GPR82: variants seen among roughly 807,000 people sequenced by gnomAD.
GPR82 encodes G protein-coupled receptor 82, also known as probable G protein-coupled receptor 82.
A neutral mutation model predicts 12.9 loss-of-function variants in GPR82; 6 were observed. The ratio of observed to expected loss-of-function variants is 0.46; its 90% CI spans 0.25 to 0.92. The LOEUF (loss-of-function observed/expected upper bound fraction) is 0.92, where lower values mean the gene tolerates loss of function less well. Ranked by LOEUF, GPR82 falls within the 40% of genes least tolerant of loss-of-function variation. The pLI, the probability that GPR82 is intolerant of heterozygous loss-of-function variation, is 0.16. For synonymous variants in GPR82, 90 were observed against 87.6 expected (o/e 1.03, Z -0.15); for missense variants, 241 against 245.5 (o/e 0.98, Z 0.12).
In GPR82 at chrX:41,727,723, A is replaced by C; in HGVS notation, c.697A>C (p.Thr233Pro). 8.3e-7 allele frequency: 1 copy of C among 1,204,784 alleles called. No homozygotes were observed. The highest frequency in any genetic ancestry group is 1.1e-6 in the Non-Finnish European group (1 of 889,417). Residue 233 changes from threonine to proline, a missense_variant, in exon 3 of 3, where the codon ACC becomes CCC. Thr to Pro is a conservative substitution (Grantham distance 38, BLOSUM62 -1). Coordinates refer to ENST00000302548, the MANE Select transcript of GPR82 (RefSeq NM_080817.5). ...SFVSHLRKIR[T>P]CTSIMEKDLT... is the part of the protein sequence containing the mutation. ...TGTAAGCCATCTGAGAAAAATAAGAACCTGTACGTCCATTATGGAGAAAGA... is the reference window on the plus strand; with the variant it reads ...TGTAAGCCATCTGAGAAAAATAAGACCCTGTACGTCCATTATGGAGAAAGA...
intron 1 of GPR82, 84 bp downstream of exon 1, chrX:41,724,373 C>G (rs2068219041): frequency 8.9e-6 from 1 of 112,479 alleles, no homozygotes. Flanking sequence ...ATTTTGAAAG[C>G]TGATCATTAA....
chrX:41,725,071 A>G (rs2068235092), intron 1 of GPR82, among the ~76,000 whole-genome samples: 1 of 112,127 alleles, frequency 8.9e-6, no homozygotes, highest in Non-Finnish European at 1.9e-5. Context: ...AAACCAGATT[A>G]TAATTCATCA....
chrX:41,728,057 A>G lies in GPR82; in HGVS notation c.*20A>G. The G allele has an allele frequency of 2.1e-6, 2 of 954,111 alleles. No individual in the cohort carries two copies. The highest frequency in any genetic ancestry group is 2.8e-6 in the Non-Finnish European group (2 of 708,343). 78.6% of individuals were successfully genotyped at this position (954,111 alleles called of 1,213,427 possible). A position where few individuals can be genotyped will look rare whatever the true frequency, so the allele number is the denominator to read the frequency against. On this transcript the variant is annotated 3_prime_UTR_variant, in exon 3 of 3. Coordinates refer to ENST00000302548, the MANE Select transcript of GPR82 (RefSeq NM_080817.5). Reference sequence around the variant, plus strand: ...GGTTGACTTTTGAATGGAAAACCCCACAATATTAAGAAAAGCATTCATGTG... The same window carrying G: ...GGTTGACTTTTGAATGGAAAACCCCGCAATATTAAGAAAAGCATTCATGTG...
In GPR82 at chrX:41,727,591, A is replaced by G. The variant is rs2068285820; in HGVS notation, c.565A>G (p.Asn189Asp). The change falls in exon 3 of 3, where the codon AAT (asparagine) becomes GAT (aspartate). Residue 189 changes from asparagine (N) to aspartate (D), a missense_variant. Asn to Asp is a conservative substitution (Grantham distance 23). Transcript: ENST00000302548. ...AGAAGGAGAAGAGAGCCTATGCTAC[A>G]ATCGGCAGATGGAACTAGGAGCCAT... Reference protein sequence around the residue: ...ATEGEESLCYNRQMELGAMIS... With the variant: ...ATEGEESLCYDRQMELGAMIS... 2 of 1,205,180 alleles carry G rather than the reference A, an allele frequency of 1.7e-6. No homozygotes were observed. Among genetic ancestry groups the G allele is most frequent in the Non-Finnish European group, 2.2e-6 (2 of 889,467 alleles).
Position 41,728,137 on chromosome X carries a change from T to C in GPR82, c.*100T>C, listed in dbSNP as rs2068302058. Reference sequence around the variant, plus strand: ...TAACATGTCACAGCTTGGTTGACAATAATCACCAAGAAAATCTCTTTGGTT... The same window carrying C: ...TAACATGTCACAGCTTGGTTGACAACAATCACCAAGAAAATCTCTTTGGTT... On this transcript the variant is annotated 3_prime_UTR_variant, in exon 3 of 3. Coordinates refer to ENST00000302548, the MANE Select transcript of GPR82 (RefSeq NM_080817.5). The C allele has an allele frequency of 2.5e-6, 1 of 395,644 alleles. No individual in the cohort carries two copies. Among genetic ancestry groups the C allele is most frequent in the African/African-American group, 2.6e-5 (1 of 38,344 alleles). The allele number at this position is 395,644 out of a possible 1,213,427, so 32.6% of individuals were successfully genotyped here.
At chrX:41,726,929 C>T in intron 2 of GPR82, 64 bp from the exon 3 acceptor site, 2 of 417,142 alleles carry the variant, frequency 4.8e-6, no homozygotes, top group Non-Finnish European at 7.8e-6. Flanking sequence ...TTTTTAAAAA[C>T]TATTCAGCTT....
rs1162361118 is a variant in GPR82, at chrX:41,729,749, C to CAAAA, written c.*1742_*1745dup. 4.2e-4 allele frequency: 6 copies of CAAAA among 14,118 alleles called. No homozygotes were observed. The highest frequency in any genetic ancestry group is 7.1e-4 in the Non-Finnish European group (6 of 8,426). 1.2% of individuals were successfully genotyped at this position (14,118 alleles called of 1,213,427 possible). Reference sequence around the variant, plus strand: ...TGGGCGACAGAGTGAGACTCTGTCTCAAAAAAAAAAAAAAAAAAAAAAAAA... The same window carrying CAAAA: ...TGGGCGACAGAGTGAGACTCTGTCTCAAAAAAAAAAAAAAAAAAAAAAAAAAAAA... On this transcript the variant is annotated 3_prime_UTR_variant, in exon 3 of 3. Transcript: ENST00000302548.
chrX:41,727,239 G>T lies in GPR82; in HGVS notation c.213G>T (p.Met71Ile). 1 of 1,206,359 alleles carries T rather than the reference G, an allele frequency of 8.3e-7. No homozygotes were observed. The highest frequency in any genetic ancestry group is 1.1e-6 in the Non-Finnish European group (1 of 890,602). Residue 71 changes from methionine (M) to isoleucine (I), a missense_variant, in exon 3 of 3, where the codon ATG becomes ATT. Physicochemically the swap from Met to Ile is conservative, Grantham distance 10. Coordinates refer to ENST00000302548, the MANE Select transcript of GPR82 (RefSeq NM_080817.5). ...TTGTGTGCAGTGCCATGCCTTTCAT[G>T]AGTATCTATTTCCTGAAAGGTTTCC... ...NLLVCSAMPF[M>I]SIYFLKGFQW...
chrX:41,727,284 T>C lies in GPR82; in HGVS notation c.258T>C (p.Ala86=), dbSNP rs763846678. 2 of 1,207,171 alleles carry C rather than the reference T, an allele frequency of 1.7e-6. No homozygotes were observed. The highest frequency in any genetic ancestry group is 1.1e-6 in the Non-Finnish European group (1 of 892,310). The change falls in exon 3 of 3, where the codon GCT becomes GCC. Residue 86 remains alanine, a synonymous_variant. Transcript: ENST00000302548. ...LKGFQWEYQS[A]QCRVVNFLGT... ...GTTTCCAATGGGAATATCAATCTGC[T>C]CAATGCAGAGTGGTCAATTTTCTGG...
At position 41,729,806 on chromosome X, in the gene GPR82, A is replaced by ATATATG. The variant is rs1491211778; in HGVS notation, c.*1770_*1771insATATGT. On this transcript the variant is annotated 3_prime_UTR_variant, in exon 3 of 3. Coordinates refer to ENST00000302548, the MANE Select transcript of GPR82 (RefSeq NM_080817.5). ...AATATATATATATATATATATATAT[A>ATATATG]TGTATGTATGTATGTATATGTGCAT... 1 of 88,115 alleles carries ATATATG rather than the reference A, an allele frequency of 1.1e-5. No homozygotes were observed. Among genetic ancestry groups the ATATATG allele is most frequent in the Non-Finnish European group, 2.4e-5 (1 of 42,297 alleles). The allele number at this position is 88,115 out of a possible 1,213,427, so 7.3% of individuals were successfully genotyped here.
In GPR82 at chrX:41,729,806, A is replaced by ATG. The variant is rs1365367795; in HGVS notation, c.*1771_*1772dup. 3.1e-3 allele frequency: 270 copies of ATG among 88,125 alleles called. 1 individual carries two copies. Among genetic ancestry groups the ATG allele is most frequent in the Non-Finnish European group, 4.1e-3 (172 of 42,277 alleles). 7.3% of individuals were successfully genotyped at this position (88,125 alleles called of 1,213,427 possible). On this transcript the variant is annotated 3_prime_UTR_variant, in exon 3 of 3. Coordinates refer to ENST00000302548, the MANE Select transcript of GPR82 (RefSeq NM_080817.5). ...AATATATATATATATATATATATAT[A>ATG]TGTATGTATGTATGTATATGTGCAT... is the stretch of plus-strand genomic sequence containing the variant.
At chrX:41,726,123 A>T (rs2068256068) in intron 1 of GPR82, among the ~76,000 whole-genome samples, 1 of 111,495 alleles carries the variant, frequency 9.0e-6, no homozygotes, top group African/African-American at 3.3e-5. Flanking sequence ...TAGTTTTTGT[A>T]TTTTTTATAG....
At position 41,727,314 on chromosome X, in the gene GPR82, T is replaced by C. The variant is rs144197742; in HGVS notation, c.288T>C (p.Thr96=). 5.8e-6 allele frequency: 7 copies of C among 1,206,520 alleles called. No homozygotes were observed. Among genetic ancestry groups the C allele is most frequent in the African/African-American group, 1.7e-5 (1 of 57,222 alleles). The change falls in exon 3 of 3, where the codon ACT becomes ACC. Residue 96 remains threonine, a synonymous_variant. Coordinates refer to ENST00000302548, the MANE Select transcript of GPR82 (RefSeq NM_080817.5). ...AQCRVVNFLG[T]LSMHASMFVS... ...GCAGAGTGGTCAATTTTCTGGGAAC[T>C]CTATCCATGCATGCAAGTATGTTTG...
In GPR82 at chrX:41,728,753, C is replaced by A. The variant is rs972595726; in HGVS notation, c.*716C>A. ...CGAGACTCTGTCTCATAAAACAAAACAAAAAAATAAAAATAAGTAAAAAAA... is the reference window on the plus strand; with the variant it reads ...CGAGACTCTGTCTCATAAAACAAAAAAAAAAAATAAAAATAAGTAAAAAAA... On this transcript the variant is annotated 3_prime_UTR_variant, in exon 3 of 3. Coordinates refer to ENST00000302548, the MANE Select transcript of GPR82 (RefSeq NM_080817.5). 4.9e-5 allele frequency: 6 copies of A among 122,219 alleles called. No individual in the cohort carries two copies. Among genetic ancestry groups the A allele is most frequent in the Non-Finnish European group, 1.1e-4 (6 of 52,921 alleles). The allele number at this position is 122,219 out of a possible 1,213,427, so 10.1% of individuals were successfully genotyped here. A position where few individuals can be genotyped will look rare whatever the true frequency, so the allele number is the denominator to read the frequency against.
In GPR82 at chrX:41,729,806, ATG is replaced by A. The variant is rs1365367795; in HGVS notation, c.*1771_*1772del. 2 of 88,121 alleles carry A rather than the reference ATG, an allele frequency of 2.3e-5. No individual in the cohort carries two copies. The highest frequency in any genetic ancestry group is 2.4e-5 in the Non-Finnish European group (1 of 42,288). The allele number at this position is 88,121 out of a possible 1,213,427, so 7.3% of individuals were successfully genotyped here. A position where few individuals can be genotyped will look rare whatever the true frequency, so the allele number is the denominator to read the frequency against. On this transcript the variant is annotated 3_prime_UTR_variant, in exon 3 of 3. Coordinates refer to ENST00000302548, the MANE Select transcript of GPR82 (RefSeq NM_080817.5). The stretch of plus-strand genomic sequence containing the variant: ...AATATATATATATATATATATATAT[ATG>A]TATGTATGTATGTATATGTGCATAG...
Position 41,727,861 on chromosome X carries a change from G to C in GPR82, c.835G>C (p.Asp279His), listed in dbSNP as rs1247918911. Residue 279 changes from aspartate (D) to histidine (H), a missense_variant, in exon 3 of 3, where the codon GAT becomes CAT. Physicochemically the swap from Asp to His is moderately conservative, Grantham distance 81 (BLOSUM62 -1). Transcript: ENST00000302548. ...CATTTTTTATGTTCTACACCAAAGAGATAACTGTCAGCAATTGAATTATTT... is the reference window on the plus strand; with the variant it reads ...CATTTTTTATGTTCTACACCAAAGACATAACTGTCAGCAATTGAATTATTT... ...KPIFYVLHQR[D>H]NCQQLNYLIE... The C allele has an allele frequency of 8.3e-7, 1 of 1,198,990 alleles. No homozygotes were observed. The highest frequency in any genetic ancestry group is 2.2e-5 in the Admixed American group (1 of 45,541).
chrX:41,728,061 T>A lies in GPR82; in HGVS notation c.*24T>A. The A allele has an allele frequency of 1.1e-6, 1 of 923,402 alleles. No homozygotes were observed. The highest frequency in any genetic ancestry group is 1.5e-6 in the Non-Finnish European group (1 of 682,872). The allele number at this position is 923,402 out of a possible 1,213,427, so 76.1% of individuals were successfully genotyped here. A position where few individuals can be genotyped will look rare whatever the true frequency, so the allele number is the denominator to read the frequency against. ...GACTTTTGAATGGAAAACCCCACAA[T>A]ATTAAGAAAAGCATTCATGTGACTT... On this transcript the variant is annotated 3_prime_UTR_variant, in exon 3 of 3. Coordinates refer to ENST00000302548, the MANE Select transcript of GPR82 (RefSeq NM_080817.5).
rs1433003268 is a variant in GPR82 at position 41,727,931 on chromosome X, G to T, written c.905G>T (p.Ser302Ile). The change falls in exon 3 of 3, where the codon AGT becomes ATT. Residue 302 changes from serine (S) to isoleucine (I), a missense_variant. By Grantham distance (142) the Ser-to-Ile change is moderately radical. Coordinates refer to ENST00000302548, the MANE Select transcript of GPR82 (RefSeq NM_080817.5). ...CTCACCTGTCTTGCTTCGGCCAGAAGTAGCACAGACCCCATTATATTTCTT... is the reference window on the plus strand; with the variant it reads ...CTCACCTGTCTTGCTTCGGCCAGAATTAGCACAGACCCCATTATATTTCTT... ...NILTCLASARSSTDPIIFLLL... is the reference protein window; with the variant it reads ...NILTCLASARISTDPIIFLLL... 4.2e-6 allele frequency: 5 copies of T among 1,184,900 alleles called. No individual in the cohort carries two copies. The highest frequency in any genetic ancestry group is 5.7e-6 in the Non-Finnish European group (5 of 872,746).
rs190542021 is a variant in GPR82 at position 41,729,848 on chromosome X, C to T, written c.*1811C>T. 1 of 101,322 alleles carries T rather than the reference C, an allele frequency of 9.9e-6. No homozygotes were observed. Among genetic ancestry groups the T allele is most frequent in the Non-Finnish European group, 2.1e-5 (1 of 47,565 alleles). The allele number at this position is 101,322 out of a possible 1,213,427, so 8.4% of individuals were successfully genotyped here. Reference sequence around the variant, plus strand: ...TATGTGCATAGTTAAGTAAATCACCCCAATTTTTTCTAATATTTAAGTGAA... The same window carrying T: ...TATGTGCATAGTTAAGTAAATCACCTCAATTTTTTCTAATATTTAAGTGAA... On this transcript the variant is annotated 3_prime_UTR_variant, in exon 3 of 3. Transcript: ENST00000302548.
Sources: gnomAD v4.1 joint callset for allele counts (sites outside exome capture counted in the v4.1 genomes callset) on GRCh38, gnomAD v4.1.1 for gene constraint, MANE v1.5 for transcripts, NCBI Gene and HGNC (gene_info 2026-07-23, HGNC 2026-07-21) for gene names.